The following SNX8 variants were observed in gnomAD, a reference collection of about 807,000 sequenced individuals.
SNX8 encodes sorting nexin 8, also known as sorting nexin-8.
A neutral mutation model predicts 51.6 loss-of-function variants in SNX8; 25 were observed. That is an observed-to-expected ratio of 0.48 (90% CI 0.35 to 0.68). The LOEUF is 0.68. Among genes scored for constraint, SNX8 ranks in the 30% least tolerant of loss-of-function variants. SNX8 has a pLI of 0.00. For synonymous variants in SNX8, 324 were observed against 277.0 expected (o/e 1.17, Z -1.68); for missense variants, 695 against 624.0 (o/e 1.11, Z -1.21).
intron 1 of SNX8, among the ~76,000 whole-genome samples, chr7:2,281,902 C>T (rs1364785855): frequency 6.6e-6 from 1 of 152,154 alleles, no homozygotes; most frequent in Non-Finnish European, 1.5e-5. Context: ...ACAGCAACCC[C>T]CCACAGGCCC....
chr7:2,345,139 G>A (rs1397812943), intron 1 of SNX8, among the ~76,000 whole-genome samples: 2 of 152,002 alleles, frequency 1.3e-5, no homozygotes, highest in Non-Finnish European at 2.9e-5. Flanking sequence ...ATAGAGACAA[G>A]CATAAGAGTC....
chr7:2,316,091 G>C (rs745445189), upstream of SNX8, among the ~76,000 whole-genome samples: 89 of 122,760 alleles, frequency 7.2e-4, 2 homozygotes, highest in Admixed American at 1.4e-3. Flanking sequence ...ACTTCATCCT[G>C]CATTCATTCA....
intron 1 of SNX8, among the ~76,000 whole-genome samples, chr7:2,304,410 G>A (rs914923244): frequency 2.0e-5 from 3 of 151,690 alleles, no homozygotes; most frequent in Non-Finnish European, 2.9e-5. Flanking sequence ...CAGGCGTGGT[G>A]GCGGGCGCCT....
intron 5 of SNX8, among the ~76,000 whole-genome samples, chr7:2,268,227 G>A (rs1305483102): frequency 3.5e-5 from 5 of 141,470 alleles, no homozygotes; most frequent in East Asian, 2.2e-4. Flanking sequence ...GCCTCTGCCC[G>A]GCGAGACCCC....
chr7:2,273,678 C>T (rs992492362), intron 3 of SNX8, among the ~76,000 whole-genome samples: 5 of 151,212 alleles, frequency 3.3e-5, no homozygotes, highest in South Asian at 2.1e-4. Flanking sequence ...CTGAGGTGCG[C>T]GGATCACGAG....
intron 5 of SNX8, 102 bp from the exon 6 acceptor site, chr7:2,264,560 C>G (rs1379702279): frequency 8.6e-7 from 1 of 1,157,114 alleles, no homozygotes; most frequent in Admixed American, 2.2e-5. Flanking sequence ...GGAGACACAG[C>G]AGGTCCATGA....
intron 8 of SNX8, 63 bp from the exon 9 acceptor site, chr7:2,257,577 C>T (rs62442513): frequency 0.16 from 259,042 of 1,587,478 alleles, 22,476 homozygotes; most frequent in Middle Eastern, 0.24. Context: ...CCTGCGGAGC[C>T]GGCCGAGGGA....
intron 1 of SNX8, among the ~76,000 whole-genome samples, chr7:2,292,885 T>C (rs1291461332): frequency 1.3e-5 from 2 of 151,960 alleles, no homozygotes; most frequent in Non-Finnish European, 2.9e-5. Context: ...TAGCCAGGCA[T>C]GGTGGCTCAT....
chr7:2,311,447 G>C (rs140118794), intron 1 of SNX8, among the ~76,000 whole-genome samples: 3,714 of 152,110 alleles, frequency 0.024, 100 homozygotes, highest in Admixed American at 0.062. Context: ...GGTCTCTAGC[G>C]CCTGGGCTCG....
At chr7:2,335,734 C>A (rs949828142) in intron 1 of SNX8, among the ~76,000 whole-genome samples, 2 of 131,414 alleles carry the variant, frequency 1.5e-5, no homozygotes, top group Non-Finnish European at 3.1e-5. Flanking sequence ...ACCTGGGAGG[C>A]GGAGCTTGCG....
At chr7:2,268,501 G>C (rs1210895649) in intron 5 of SNX8, among the ~76,000 whole-genome samples, 1 of 144,124 alleles carries the variant, frequency 6.9e-6, no homozygotes. Context: ...GAGGGAGGTG[G>C]GGGGTCAGCC....
At chr7:2,297,128 G>A (rs1400201618) in intron 1 of SNX8, among the ~76,000 whole-genome samples, 3 of 151,970 alleles carry the variant, frequency 2.0e-5, no homozygotes, top group African/African-American at 4.8e-5. Context: ...ACACGCTACC[G>A]ATGGGAATGA....
At chr7:2,291,828 T>C (rs1239194988) in intron 1 of SNX8, among the ~76,000 whole-genome samples, 1 of 152,220 alleles carries the variant, frequency 6.6e-6, no homozygotes, top group Non-Finnish European at 1.5e-5. Flanking sequence ...TCAACCTGTC[T>C]CATTCACAGG....
At chr7:2,274,498 C>A (rs1435670492) in intron 3 of SNX8, among the ~76,000 whole-genome samples, 1 of 152,258 alleles carries the variant, frequency 6.6e-6, no homozygotes, top group Non-Finnish European at 1.5e-5. Context: ...CCATCCCAAG[C>A]TCTGCAGCCC....
At chr7:2,277,775 C>A (rs1795815123) in intron 2 of SNX8, among the ~76,000 whole-genome samples, 1 of 151,676 alleles carries the variant, frequency 6.6e-6, no homozygotes, top group South Asian at 2.1e-4. Context: ...CCACTGCACT[C>A]CAGCCTGGGC....
chr7:2,259,316 TCCGGTCCCCACAG>T, intron 7 of SNX8, among the ~76,000 whole-genome samples: 1 of 152,132 alleles, frequency 6.6e-6, no homozygotes, highest in East Asian at 1.9e-4. Flanking sequence ...CCTGAAGGGC[TCCGGTCCCCACAG>T]CTCACGCCCT....
At chr7:2,284,535 G>C (rs1795978549) in intron 1 of SNX8, among the ~76,000 whole-genome samples, 1 of 150,188 alleles carries the variant, frequency 6.7e-6, no homozygotes, top group East Asian at 2.0e-4. Context: ...CTACTGAGTA[G>C]CAGGGACTAC....
At chr7:2,343,313 G>A (rs1562464314) in intron 1 of SNX8, among the ~76,000 whole-genome samples, 1 of 152,038 alleles carries the variant, frequency 6.6e-6, no homozygotes, top group Non-Finnish European at 1.5e-5. Flanking sequence ...ATGCAAAGAT[G>A]AGCCACACCC....
At chr7:2,269,822 C>T (rs991109655) in intron 4 of SNX8, among the ~76,000 whole-genome samples, 183 bp from the exon 5 acceptor site, 1 of 152,186 alleles carries the variant, frequency 6.6e-6, no homozygotes, top group Non-Finnish European at 1.5e-5. Context: ...TCTCACCAAA[C>T]AGGACAGCCT....
Sources: gnomAD v4.1 joint callset for allele counts (sites outside exome capture counted in the v4.1 genomes callset) on GRCh38, gnomAD v4.1.1 for gene constraint, MANE v1.5 for transcripts, NCBI Gene and HGNC (gene_info 2026-07-23, HGNC 2026-07-21) for gene names.